TFAP2D: variants seen among roughly 807,000 people sequenced by gnomAD.
TFAP2D encodes transcription factor AP-2-delta.
A neutral mutation model predicts 43.6 loss-of-function variants in TFAP2D; 9 were observed. The ratio of observed to expected loss-of-function variants is 0.21; its 90% CI spans 0.12 to 0.36. TFAP2D has a LOEUF of 0.36. Ranked by LOEUF, TFAP2D falls within the 10% of genes least tolerant of loss-of-function variation. The pLI is 1.00. For synonymous variants in TFAP2D, 256 were observed against 224.9 expected, an observed-to-expected ratio of 1.14 and a Z score of -1.24; for missense variants, 513 against 561.4, an observed-to-expected ratio of 0.91 and a Z score of 0.87.
chr6:50,757,755 CTATA>C (rs34488132), intron 7 of TFAP2D, among the ~76,000 whole-genome samples: 1 of 49,536 alleles, frequency 2.0e-5, no homozygotes, highest in Non-Finnish European at 4.5e-5. Context: ...TATAATTATT[CTATA>C]TATATAGAAT....
chr6:50,737,518 T>C (rs893538535), intron 5 of TFAP2D, among the ~76,000 whole-genome samples: 5 of 152,184 alleles, frequency 3.3e-5, no homozygotes, highest in African/African-American at 7.2e-5. Context: ...TACAGAAAAG[T>C]ATTCAGTAAA....
At chr6:50,768,903 C>CTT (rs34182627) in intron 7 of TFAP2D, among the ~76,000 whole-genome samples, 33,595 of 127,556 alleles carry the variant, frequency 0.26, 4,734 homozygotes, top group East Asian at 0.39. Context: ...AACGAAGTGG[C>CTT]TTTTTTTTTT....
chr6:50,727,443 G>A (rs947641781), intron 3 of TFAP2D, among the ~76,000 whole-genome samples: 3 of 152,180 alleles, frequency 2.0e-5, no homozygotes, highest in Non-Finnish European at 4.4e-5. Context: ...TTAAGGGTAG[G>A]AGATACCTGG....
intron 5 of TFAP2D, among the ~76,000 whole-genome samples, chr6:50,739,546 G>A (rs1291801476): frequency 6.6e-6 from 1 of 152,224 alleles, no homozygotes; most frequent in East Asian, 1.9e-4. Context: ...TCTAGGTTAT[G>A]GGAGTAGCAA....
At chr6:50,724,579 G>T (rs7740050) in intron 3 of TFAP2D, among the ~76,000 whole-genome samples, 2,296 of 152,182 alleles carry the variant, frequency 0.015, 57 homozygotes, top group African/African-American at 0.052. Context: ...GTTCTGAGAC[G>T]GGGGAGGCGC....
chr6:50,724,762 G>GT (rs1356860642), intron 3 of TFAP2D, among the ~76,000 whole-genome samples: 1 of 152,102 alleles, frequency 6.6e-6, no homozygotes, highest in East Asian at 1.9e-4. Flanking sequence ...GACGGTGGCG[G>GT]GGTGTGTGTG....
chr6:50,757,977 T>C (rs892360568), intron 7 of TFAP2D, among the ~76,000 whole-genome samples: 3 of 150,700 alleles, frequency 2.0e-5, no homozygotes, highest in Admixed American at 6.7e-5. Flanking sequence ...AATAAATATA[T>C]GTAAATAAAT....
At chr6:50,728,831 T>C (rs1768843990) in intron 3 of TFAP2D, 25 bp from the exon 4 acceptor site, 1 of 1,611,574 alleles carries the variant, frequency 6.2e-7, no homozygotes, top group Admixed American at 1.7e-5. Flanking sequence ...GTCACTAACA[T>C]GTTATATACT....
intron 7 of TFAP2D, among the ~76,000 whole-genome samples, chr6:50,766,969 G>A (rs370623644): frequency 1.3e-5 from 2 of 151,752 alleles, no homozygotes. Flanking sequence ...TGCCCGGCCT[G>A]CTTTCTTAAT....
At chr6:50,722,657 G>A (rs1289718541) in intron 3 of TFAP2D, among the ~76,000 whole-genome samples, 2 of 151,988 alleles carry the variant, frequency 1.3e-5, no homozygotes, top group African/African-American at 4.8e-5. Context: ...CATAATAAAT[G>A]GATCCATATT....
At chr6:50,746,503 G>T (rs1480963432) in intron 6 of TFAP2D, among the ~76,000 whole-genome samples, 1 of 152,154 alleles carries the variant, frequency 6.6e-6, no homozygotes, top group African/African-American at 2.4e-5. Context: ...CTCCCAAAGG[G>T]CTAGGATTAC....
At chr6:50,767,683 A>G (rs1769463471) in intron 7 of TFAP2D, among the ~76,000 whole-genome samples, 1 of 152,146 alleles carries the variant, frequency 6.6e-6, no homozygotes. Flanking sequence ...TGGAATTTCA[A>G]TTGGCTGAGA....
chr6:50,759,633 G>A (rs1769335478), intron 7 of TFAP2D, among the ~76,000 whole-genome samples: 1 of 151,970 alleles, frequency 6.6e-6, no homozygotes, highest in Admixed American at 6.6e-5. Flanking sequence ...GATGGTTAAT[G>A]TACCCCTATA....
At chr6:50,734,082 CAA>C (rs1768930917) in intron 5 of TFAP2D, among the ~76,000 whole-genome samples, 1 of 151,316 alleles carries the variant, frequency 6.6e-6, no homozygotes, top group African/African-American at 2.4e-5. Context: ...GAACCAGTTC[CAA>C]ATATTGTGTA....
intron 7 of TFAP2D, among the ~76,000 whole-genome samples, chr6:50,760,125 C>A (rs1475090312): frequency 6.6e-6 from 1 of 152,014 alleles, no homozygotes; most frequent in Non-Finnish European, 1.5e-5. Flanking sequence ...TAATACCTAG[C>A]CACAGTTTCT....
intron 1 of TFAP2D, among the ~76,000 whole-genome samples, 196 bp from the exon 2 acceptor site, chr6:50,714,920 C>CT (rs1768590571): frequency 2.0e-5 from 3 of 152,048 alleles, no homozygotes; most frequent in Admixed American, 6.5e-5. Flanking sequence ...ACGAGGCCGC[C>CT]CACCCCCAGT....
intron 5 of TFAP2D, among the ~76,000 whole-genome samples, chr6:50,729,749 A>G (rs974268596): frequency 7.9e-5 from 12 of 152,142 alleles, no homozygotes; most frequent in African/African-American, 2.7e-4. Context: ...CTGAGCCTGA[A>G]AGCATATTGT....
intron 3 of TFAP2D, among the ~76,000 whole-genome samples, chr6:50,721,195 G>A (rs1055815993): frequency 1.3e-5 from 2 of 152,086 alleles, no homozygotes; most frequent in Admixed American, 1.3e-4. Flanking sequence ...AAAAATCATC[G>A]TCGAATCTGC....
chr6:50,728,869 G>A lies in TFAP2D; in HGVS notation c.612G>A (p.Val204=). ...TTTTCTCCCAAGGTGGCACCTGTGT[G>A]GTCAACCCCACAGACTTATTTTGCT... ...GGVIRRGGTC[V]VNPTDLFCSV... is the part of the protein sequence containing the mutation. The change falls in exon 4 of 8, where the codon GTG becomes GTA. Residue 204 remains valine, a synonymous_variant. Transcript: ENST00000008391. 1 of 1,613,860 alleles carries A rather than the reference G, an allele frequency of 6.2e-7. No homozygotes were observed. Among genetic ancestry groups the A allele is most frequent in the Non-Finnish European group, 8.5e-7 (1 of 1,179,866 alleles).
Sources: allele counts gnomAD v4.1 joint callset (sites outside exome capture counted in the v4.1 genomes callset), GRCh38; gene constraint gnomAD v4.1.1; transcripts MANE v1.5; gene names NCBI Gene and HGNC (gene_info 2026-07-23, HGNC 2026-07-21).